DGKI: variants seen among roughly 807,000 people sequenced by gnomAD.
DGKI encodes DAG kinase iota.
Under a neutral mutation model 147.5 loss-of-function variants are expected in DGKI, and 55 were observed. The ratio of observed to expected loss-of-function variants is 0.37; its 90% CI spans 0.30 to 0.47. The LOEUF (loss-of-function observed/expected upper bound fraction) is 0.47. DGKI is among the 20% of genes least tolerant of loss of function. The probability of loss-of-function intolerance (pLI) is 1.00; values close to 1 mark genes in which losing one functional copy is unlikely to be tolerated. For missense variants in DGKI, 1,007 were observed against 1,323.8 expected (o/e 0.76, Z 3.71); for synonymous variants, 469 against 477.1 (o/e 0.98, Z 0.22).
At chr7:137,625,646 C>T (rs1165431909) in intron 6 of DGKI, among the ~76,000 whole-genome samples, 1 of 151,342 alleles carries the variant, frequency 6.6e-6, no homozygotes, top group Non-Finnish European at 1.5e-5. Context: ...GCCTGTAATT[C>T]CAGGACTTTG....
At chr7:137,728,734 T>C (rs1794785917) in intron 1 of DGKI, among the ~76,000 whole-genome samples, 1 of 152,158 alleles carries the variant, frequency 6.6e-6, no homozygotes, top group Non-Finnish European at 1.5e-5. Context: ...CATGTTCTCA[T>C]AGCCAATCAA....
chr7:137,825,448 G>A (rs530778822), intron 1 of DGKI, among the ~76,000 whole-genome samples: 38 of 152,258 alleles, frequency 2.5e-4, no homozygotes, highest in Non-Finnish European at 4.6e-4. Flanking sequence ...AATTTACAAT[G>A]TGCACACATT....
chr7:137,674,779 C>T (rs1563144496), intron 3 of DGKI, among the ~76,000 whole-genome samples: 1 of 152,158 alleles, frequency 6.6e-6, no homozygotes, highest in Non-Finnish European at 1.5e-5. Context: ...AAATCTTACC[C>T]ATCTTTCAAA....
intron 21 of DGKI, among the ~76,000 whole-genome samples, chr7:137,514,637 A>C (rs1174594421): frequency 6.6e-6 from 1 of 152,232 alleles, no homozygotes. Flanking sequence ...CTATTTACCA[A>C]GTTGCCAAGG....
At chr7:137,515,244 ACTGTTCTG>A (rs895772489) in intron 21 of DGKI, among the ~76,000 whole-genome samples, 8 of 152,150 alleles carry the variant, frequency 5.3e-5, no homozygotes, top group African/African-American at 1.9e-4. Flanking sequence ...ATCCTCTGTC[ACTGTTCTG>A]CTTTACTTTC....
At chr7:137,618,269 T>C (rs1820619925) in intron 8 of DGKI, among the ~76,000 whole-genome samples, 1 of 146,670 alleles carries the variant, frequency 6.8e-6, no homozygotes, top group Admixed American at 6.9e-5. Context: ...CCTGAGCAAT[T>C]GTATGTTCAT....
chr7:137,774,481 G>A (rs1160583553), intron 1 of DGKI: 3 of 152,142 alleles, frequency 2.0e-5, no homozygotes, highest in Non-Finnish European at 4.4e-5. Context: ...ACGTGAATGA[G>A]GATAATAAAG....
intron 1 of DGKI, among the ~76,000 whole-genome samples, chr7:137,703,858 C>T (rs780682224): frequency 5.9e-5 from 9 of 152,112 alleles, no homozygotes; most frequent in Admixed American, 6.6e-5. Flanking sequence ...GAAAGTATCA[C>T]GCATACACAG....
Position 137,666,375 on chromosome 7 carries a change from C to A in DGKI, c.607-9835G>T, listed in dbSNP as rs1040276192. The stretch of plus-strand genomic sequence containing the variant: ...CCAGGATCACATCGCCACATTCCAA[C>A]CTGGGTGACATGGCAGAATTCTGTC... On this transcript the variant is annotated intron_variant, in intron 3 of 32. Coordinates refer to ENST00000614521, the MANE Select transcript of DGKI (RefSeq NM_001321708.2). Among the ~76,000 whole-genome samples the A allele has an allele frequency of 2.6e-5, 4 of 152,250 alleles. No homozygotes were observed. In the East Asian group the frequency reaches 7.7e-4, roughly 29 times the overall value.
intron 23 of DGKI, among the ~76,000 whole-genome samples, chr7:137,480,471 C>A (rs1815333770): frequency 6.6e-6 from 1 of 152,054 alleles, no homozygotes; most frequent in South Asian, 2.1e-4. Flanking sequence ...ATGCTGTTTG[C>A]CTAGAACTAG....
intron 2 of DGKI, among the ~76,000 whole-genome samples, chr7:137,679,101 A>C (rs757482179): frequency 6.6e-6 from 1 of 152,224 alleles, no homozygotes; most frequent in Non-Finnish European, 1.5e-5. Flanking sequence ...TTTTAAGTAA[A>C]GACAGTTTGA....
At chr7:137,765,607 C>A (rs138158065) in intron 1 of DGKI, among the ~76,000 whole-genome samples, 1 of 152,322 alleles carries the variant, frequency 6.6e-6, no homozygotes, top group African/African-American at 2.4e-5. Flanking sequence ...AGCCTTCCTG[C>A]AGAAACCGTT....
chr7:137,766,339 C>A (rs1325030772), intron 1 of DGKI, among the ~76,000 whole-genome samples: 3 of 152,212 alleles, frequency 2.0e-5, no homozygotes, highest in African/African-American at 7.2e-5. Context: ...TCTCTACTCC[C>A]TTCCCAACCT....
At chr7:137,766,787 G>T (rs1796028521) in intron 1 of DGKI, among the ~76,000 whole-genome samples, 1 of 152,160 alleles carries the variant, frequency 6.6e-6, no homozygotes, top group African/African-American at 2.4e-5. Flanking sequence ...TGAAAAGAGA[G>T]AATTGAGTGA....
At chr7:137,626,583 G>A (rs1274351350) in intron 6 of DGKI, among the ~76,000 whole-genome samples, 1 of 152,154 alleles carries the variant, frequency 6.6e-6, no homozygotes, top group Non-Finnish European at 1.5e-5. Context: ...CTGCAGAAAT[G>A]ACTTCACATT....
At chr7:137,690,969 T>A (rs1823583262) in intron 1 of DGKI, among the ~76,000 whole-genome samples, 1 of 152,116 alleles carries the variant, frequency 6.6e-6, no homozygotes, top group African/African-American at 2.4e-5. Context: ...AGCTTAAACA[T>A]GAGCGCTGAT....
At chr7:137,431,364 T>C (rs1813065145) in intron 28 of DGKI, among the ~76,000 whole-genome samples, 1 of 152,168 alleles carries the variant, frequency 6.6e-6, no homozygotes, top group Non-Finnish European at 1.5e-5. Context: ...CAAATTCCCT[T>C]TTCAATAATC....
At chr7:137,608,628 C>T (rs1434656602) in intron 10 of DGKI, among the ~76,000 whole-genome samples, 3 of 152,072 alleles carry the variant, frequency 2.0e-5, no homozygotes, top group Non-Finnish European at 4.4e-5. Flanking sequence ...TGAAGGGCCT[C>T]CTAACTATAA....
intron 1 of DGKI, among the ~76,000 whole-genome samples, chr7:137,700,437 T>A (rs1017819780): frequency 5.9e-5 from 9 of 152,316 alleles, no homozygotes; most frequent in Admixed American, 4.6e-4. Flanking sequence ...TCTCAGCCTT[T>A]TTCATAGCAG....
Sources: gnomAD v4.1 joint callset for allele counts (sites outside exome capture counted in the v4.1 genomes callset) on GRCh38, gnomAD v4.1.1 for gene constraint, MANE v1.5 for transcripts, NCBI Gene and HGNC (gene_info 2026-07-23, HGNC 2026-07-21) for gene names.